NKAIN2: variants seen among roughly 807,000 people sequenced by gnomAD.
The protein encoded by NKAIN2 is sodium/potassium transporting ATPase interacting 2, also known as sodium/potassium-transporting ATPase subunit beta-1-interacting protein 2.
In NKAIN2, 14 loss-of-function variants were observed where a neutral mutation model predicts 32.6. That is an observed-to-expected ratio of 0.43 (90% CI 0.28 to 0.67). The LOEUF is 0.67. Ranked by LOEUF, NKAIN2 falls within the 30% of genes least tolerant of loss-of-function variation. The pLI is 0.17. For missense variants in NKAIN2, 198 were observed against 258.3 expected, an observed-to-expected ratio of 0.77 and a Z score of 1.60; for synonymous variants, 80 against 87.2, an observed-to-expected ratio of 0.92 and a Z score of 0.46.
At chr6:124,438,051 G>C (rs528719691) in intron 3 of NKAIN2, 1 of 265,898 alleles carries the variant, frequency 3.8e-6, no homozygotes, top group Non-Finnish European at 7.5e-6. Flanking sequence ...ATTTAGACCT[G>C]GGCTTCACAT....
At chr6:124,542,636 C>A (rs1779952357) in intron 3 of NKAIN2, among the ~76,000 whole-genome samples, 1 of 152,132 alleles carries the variant, frequency 6.6e-6, no homozygotes, top group Admixed American at 6.5e-5. Flanking sequence ...CTCTTAAAAT[C>A]CTCAAAGCCA....
Position 124,080,231 on chromosome 6 carries a change from G to A in NKAIN2, c.55-202774G>A, listed in dbSNP as rs1783895480. Among the ~76,000 whole-genome samples the A allele has an allele frequency of 2.0e-5, 3 of 152,110 alleles. No homozygotes were observed. In the South Asian group the frequency reaches 6.2e-4, roughly 32 times the overall value. On this transcript the variant is annotated intron_variant, in intron 1 of 6. Transcript: ENST00000368417. ...CTCCTTGGGACTCTACTTCTGTAAG[G>A]GGAAGATACAGTACAATTTGCCAGA...
intron 1 of NKAIN2, among the ~76,000 whole-genome samples, chr6:124,152,604 G>A (rs575836331): frequency 6.6e-6 from 1 of 152,014 alleles, no homozygotes; most frequent in East Asian, 1.9e-4. Flanking sequence ...ACAATATGGA[G>A]GTTCTTCAAA....
At chr6:123,904,231 A>T (rs1330214625) in intron 1 of NKAIN2, among the ~76,000 whole-genome samples, 3 of 149,270 alleles carry the variant, frequency 2.0e-5, no homozygotes, top group Non-Finnish European at 3.0e-5. Context: ...AACTCTGCTT[A>T]AAAAAAAAAG....
chr6:124,728,038 G>A (rs1347101414), intron 4 of NKAIN2, among the ~76,000 whole-genome samples: 1 of 151,638 alleles, frequency 6.6e-6, no homozygotes, highest in African/African-American at 2.4e-5. Context: ...CCCAACACAG[G>A]AGCACCCGGA....
intron 2 of NKAIN2, among the ~76,000 whole-genome samples, chr6:124,351,520 A>G (rs926437451): frequency 4.0e-5 from 6 of 151,686 alleles, no homozygotes; most frequent in East Asian, 3.9e-4. Context: ...AAAAAAAAAA[A>G]AAAAGAAAAG....
intron 3 of NKAIN2, among the ~76,000 whole-genome samples, chr6:124,411,802 G>T (rs370707954): frequency 6.6e-6 from 1 of 152,102 alleles, no homozygotes; most frequent in Non-Finnish European, 1.5e-5. Context: ...CATTCTCTCC[G>T]TCACTTTCAG....
chr6:124,084,699 T>TA (rs1784116258), intron 1 of NKAIN2, among the ~76,000 whole-genome samples: 1 of 152,026 alleles, frequency 6.6e-6, no homozygotes. Context: ...AAACAAGTCT[T>TA]AGAGATCAAA....
In NKAIN2 at chr6:124,286,576, T is replaced by G. The variant is rs529092297; in HGVS notation, c.192+3434T>G. On this transcript the variant is annotated intron_variant, in intron 2 of 6. Transcript: ENST00000368417. ...ATGTTATTTTCATTTTTAATTGTAT[T>G]TCTAATCGTAGTGAGTTAGAATTTT... Among the ~76,000 whole-genome samples, 4 of 152,210 alleles carry G rather than the reference T, an allele frequency of 2.6e-5. No homozygotes were observed. In the South Asian group the frequency reaches 8.3e-4, roughly 32 times the overall value.
intron 4 of NKAIN2, among the ~76,000 whole-genome samples, chr6:124,660,841 A>T (rs1188903604): frequency 3.9e-5 from 6 of 152,206 alleles, no homozygotes; most frequent in Non-Finnish European, 2.9e-5. Context: ...AGCAAATTTG[A>T]ACTCGAGTTT....
intron 1 of NKAIN2, among the ~76,000 whole-genome samples, chr6:123,924,369 G>T (rs1775911453): frequency 6.6e-6 from 1 of 152,122 alleles, no homozygotes; most frequent in African/African-American, 2.4e-5. Flanking sequence ...GAAACAATTT[G>T]GAATTCACGA....
intron 4 of NKAIN2, among the ~76,000 whole-genome samples, chr6:124,743,550 GA>G (rs1380460524): frequency 2.6e-5 from 4 of 151,754 alleles, no homozygotes; most frequent in African/African-American, 9.7e-5. Flanking sequence ...TGGCAAACTT[GA>G]ATATCTGGAA....
intron 3 of NKAIN2, among the ~76,000 whole-genome samples, chr6:124,405,586 C>A (rs1647938911): frequency 6.7e-6 from 1 of 149,368 alleles, no homozygotes; most frequent in Admixed American, 6.7e-5. Flanking sequence ...CACTATATTG[C>A]CCAGGCAGGT....
chr6:124,736,458 A>C (rs1356060688), intron 4 of NKAIN2, among the ~76,000 whole-genome samples: 2 of 151,970 alleles, frequency 1.3e-5, no homozygotes, highest in African/African-American at 4.8e-5. Context: ...GCTTTATATT[A>C]GAATAAGATG....
chr6:123,867,494 C>A (rs17086218), intron 1 of NKAIN2, among the ~76,000 whole-genome samples: 34,263 of 152,112 alleles, frequency 0.23, 4,468 homozygotes, highest in East Asian at 0.49. Flanking sequence ...TTGTTTCCTA[C>A]TAAAAATACC....
intron 3 of NKAIN2, among the ~76,000 whole-genome samples, chr6:124,381,185 G>GC (rs1419011767): frequency 1.3e-5 from 2 of 152,130 alleles, no homozygotes; most frequent in African/African-American, 4.8e-5. Flanking sequence ...AAAATGTAAA[G>GC]CAGTGTCACT....
chr6:124,033,946 A>C (rs538909151), intron 1 of NKAIN2, among the ~76,000 whole-genome samples: 5 of 152,190 alleles, frequency 3.3e-5, no homozygotes, highest in African/African-American at 1.2e-4. Flanking sequence ...TTACAGTCCA[A>C]AAGGAGAGTA....
At chr6:124,513,386 G>C (rs1778789861) in intron 3 of NKAIN2, among the ~76,000 whole-genome samples, 1 of 152,100 alleles carries the variant, frequency 6.6e-6, no homozygotes, top group African/African-American at 2.4e-5. Context: ...ATAGCAAATA[G>C]AAAATCCTCA....
At chr6:124,558,973 CAAAAG>C (rs1780582901) in intron 3 of NKAIN2, among the ~76,000 whole-genome samples, 1 of 150,844 alleles carries the variant, frequency 6.6e-6, no homozygotes, top group African/African-American at 2.4e-5. Context: ...AACAAACAAA[CAAAAG>C]AAATCATGCT....
Sources: allele counts gnomAD v4.1 joint callset (sites outside exome capture counted in the v4.1 genomes callset), GRCh38; gene constraint gnomAD v4.1.1; transcripts MANE v1.5; gene names NCBI Gene and HGNC (gene_info 2026-07-23, HGNC 2026-07-21).